Variants in KRAS observed in about 807,000 individuals in gnomAD.
KRAS encodes the protein GTPase KRas.
A neutral mutation model predicts 21.0 loss-of-function variants in KRAS; 1 was observed. That is an observed-to-expected ratio of 0.05 (90% confidence interval 0.02 to 0.23). KRAS has a LOEUF of 0.23. Ranked by LOEUF, KRAS falls within the 10% of genes least tolerant of loss-of-function variation. KRAS has a pLI of 1.00. For missense variants in KRAS, 107 were observed against 221.8 expected, an observed-to-expected ratio of 0.48 and a Z score of 3.29; for synonymous variants, 67 against 72.5, an observed-to-expected ratio of 0.92 and a Z score of 0.39.
intron 2 of KRAS, among the ~76,000 whole-genome samples, chr12:25,228,146 A>G (rs1951416746): frequency 1.4e-5 from 2 of 144,742 alleles, no homozygotes; most frequent in African/African-American, 5.0e-5. Context: ...TGCTCACTGG[A>G]GCATTTGATT....
chr12:25,227,442 T>C (rs1246849889), intron 2 of KRAS, 30 bp from the exon 3 acceptor site: 3 of 1,605,582 alleles, frequency 1.9e-6, no homozygotes, highest in East Asian at 2.2e-5. Flanking sequence ...GTCTGGATTA[T>C]TACAGTGCAC....
chr12:25,233,611 ACCT>A (rs1951505333), intron 2 of KRAS, among the ~76,000 whole-genome samples: 1 of 152,194 alleles, frequency 6.6e-6, no homozygotes, highest in Middle Eastern at 3.4e-3. Flanking sequence ...CTTCTCTGGT[ACCT>A]CCTATGTTTC....
rs1951170899 is a variant in KRAS at position 25,208,740 on chromosome 12, A to G, written c.*1055T>C. ...ATGACAACACTGGATGACCGTGGGGACACAGTCCATGCTGTGAAACTCTCT... is the reference window on the plus strand; with the variant it reads ...ATGACAACACTGGATGACCGTGGGGGCACAGTCCATGCTGTGAAACTCTCT... On this transcript the variant is annotated 3_prime_UTR_variant, in exon 5 of 5. Coordinates refer to ENST00000311936, the MANE Select transcript of KRAS (RefSeq NM_004985.5). The G allele has an allele frequency of 4.3e-6, 1 of 232,910 alleles. No individual in the cohort carries two copies. The highest frequency in any genetic ancestry group is 1.8e-4 in the South Asian group (1 of 5,538). The allele number at this position is 232,910 out of a possible 1,614,324, so 14.4% of individuals were successfully genotyped here.
chr12:25,235,298 T>C (rs1389323310), intron 2 of KRAS: 4 of 487,206 alleles, frequency 8.2e-6, no homozygotes, highest in Admixed American at 3.0e-5. Flanking sequence ...CGAAAGGTTA[T>C]TTAAATTCAC....
Position 25,208,591 on chromosome 12 carries a change from T to A in KRAS, c.*1204A>T, listed in dbSNP as rs1021217034. On this transcript the variant is annotated 3_prime_UTR_variant, in exon 5 of 5. Coordinates refer to ENST00000311936, the MANE Select transcript of KRAS (RefSeq NM_004985.5). ...TTTAAAAGTAATTTTTAAAAAAGAG[T>A]TTGTTTTCTTAAGAAACAAAAGCAA... The A allele has an allele frequency of 8.6e-6, 2 of 232,734 alleles. No homozygotes were observed. The highest frequency in any genetic ancestry group is 4.4e-5 in the African/African-American group (2 of 45,162). 14.4% of individuals were successfully genotyped at this position (232,734 alleles called of 1,614,324 possible).
chr12:25,244,646 A>G (rs1484603243), intron 2 of KRAS, among the ~76,000 whole-genome samples: 1 of 152,210 alleles, frequency 6.6e-6, no homozygotes, highest in Non-Finnish European at 1.5e-5. Flanking sequence ...ATAATCCTCA[A>G]AAACATGATA....
At chr12:25,250,472 G>A (rs1222101387) in intron 1 of KRAS, among the ~76,000 whole-genome samples, 1 of 152,104 alleles carries the variant, frequency 6.6e-6, no homozygotes, top group Non-Finnish European at 1.5e-5. Flanking sequence ...GAGGAGGAAG[G>A]AAGGGGTTCC....
rs1951136190 is a variant in KRAS at position 25,206,124 on chromosome 12, AATGGAAT to A, written c.*3664_*3670del. ...AAATGTTTAGAAGAAAAAAAAAATC[AATGGAAT>A]ACAAATGAGATGAACTTGTGCAAAC... is the stretch of plus-strand genomic sequence containing the variant. On this transcript the variant is annotated 3_prime_UTR_variant, in exon 5 of 5. Transcript: ENST00000311936. 1.4e-5 allele frequency: 3 copies of A among 215,524 alleles called. No homozygotes were observed. Among genetic ancestry groups the A allele is most frequent in the African/African-American group, 2.3e-5 (1 of 44,316 alleles). The allele number at this position is 215,524 out of a possible 1,614,324, so 13.4% of individuals were successfully genotyped here. A position where few individuals can be genotyped will look rare whatever the true frequency, so the allele number is the denominator to read the frequency against.
At chr12:25,228,901 T>C (rs561537746) in intron 2 of KRAS, among the ~76,000 whole-genome samples, 1 of 152,088 alleles carries the variant, frequency 6.6e-6, no homozygotes, top group African/African-American at 2.4e-5. Context: ...TCTATTAAAA[T>C]ACAAAATATT....
At chr12:25,224,477 A>G (rs1009534751) in intron 4 of KRAS, among the ~76,000 whole-genome samples, 9 of 152,204 alleles carry the variant, frequency 5.9e-5, no homozygotes, top group African/African-American at 2.2e-4. Flanking sequence ...CTTACAGAAT[A>G]AAGATATAAG....
At chr12:25,243,427 T>C (rs903596450) in intron 2 of KRAS, among the ~76,000 whole-genome samples, 1 of 152,192 alleles carries the variant, frequency 6.6e-6, no homozygotes, top group Non-Finnish European at 1.5e-5. Context: ...TAAGCAGAGT[T>C]ATAGGTTTAA....
chr12:25,210,535 A>C (rs902158725), intron 4 of KRAS: 2 of 152,176 alleles, frequency 1.3e-5, no homozygotes, highest in African/African-American at 4.8e-5. Flanking sequence ...ATTTATCATT[A>C]AGAAAAAGGT....
Position 25,207,343 on chromosome 12 carries a change from G to A in KRAS, c.*2452C>T, listed in dbSNP as rs1206148868. The A allele has an allele frequency of 3.2e-5, 6 of 188,512 alleles. No individual in the cohort carries two copies. The highest frequency in any genetic ancestry group is 1.9e-3 in the Middle Eastern group (1 of 538). The allele number at this position is 188,512 out of a possible 1,614,324, so 11.7% of individuals were successfully genotyped here. ...AGCCTGGCCAACAGGGTGAAACCCC[G>A]TCTCTCCTAAAAATACAAAAATTAG... On this transcript the variant is annotated 3_prime_UTR_variant, in exon 5 of 5. Transcript: ENST00000311936.
chr12:25,233,223 A>G (rs1429768212), intron 2 of KRAS, among the ~76,000 whole-genome samples: 1 of 152,116 alleles, frequency 6.6e-6, no homozygotes, highest in Non-Finnish European at 1.5e-5. Context: ...CTCACAATAT[A>G]GTCTCCACAC....
Position 25,205,861 on chromosome 12 carries a change from G to T in KRAS, c.*3934C>A. On this transcript the variant is annotated 3_prime_UTR_variant, in exon 5 of 5. Transcript: ENST00000311936. ...GAACTCATGTGAGTATCTTTCTTTA[G>T]AAAGAAAGTTTCATTTTATGACAGC... 1 of 216,130 alleles carries T rather than the reference G, an allele frequency of 4.6e-6. No homozygotes were observed. The highest frequency in any genetic ancestry group is 7.0e-5 in the East Asian group (1 of 14,320). 13.4% of individuals were successfully genotyped at this position (216,130 alleles called of 1,614,324 possible).
intron 2 of KRAS, among the ~76,000 whole-genome samples, chr12:25,230,805 T>C (rs899391187): frequency 2.0e-5 from 3 of 149,302 alleles, no homozygotes; most frequent in Non-Finnish European, 3.0e-5. Context: ...AAATTAATTA[T>C]CTCACCAGTC....
chr12:25,226,387 G>A (rs944011573), intron 3 of KRAS, among the ~76,000 whole-genome samples: 2 of 152,132 alleles, frequency 1.3e-5, no homozygotes, highest in African/African-American at 2.4e-5. Flanking sequence ...ACAAAAGAAG[G>A]AGCAGAGCAG....
intron 1 of KRAS, among the ~76,000 whole-genome samples, chr12:25,249,362 A>C (rs1449642046): frequency 6.6e-6 from 1 of 152,020 alleles, no homozygotes; most frequent in African/African-American, 2.4e-5. Context: ...GCGCCACTGC[A>C]CTCCAGCCTG....
At chr12:25,209,981 A>C in intron 4 of KRAS, 70 bp from the exon 5 acceptor site, 4 of 1,114,874 alleles carry the variant, frequency 3.6e-6, no homozygotes, top group Non-Finnish European at 5.2e-6. Flanking sequence ...AACAAATTTC[A>C]TTAATGGAAA....
Sources: allele counts gnomAD v4.1 joint callset (sites outside exome capture counted in the v4.1 genomes callset), GRCh38; gene constraint gnomAD v4.1.1; transcripts MANE v1.5; gene names NCBI Gene and HGNC (gene_info 2026-07-23, HGNC 2026-07-21).